TNKS: variants seen among roughly 807,000 people sequenced by gnomAD.
TNKS encodes tankyrase, also known as poly [ADP-ribose] polymerase tankyrase-1.
A neutral mutation model predicts 135.8 loss-of-function variants in TNKS; 72 were observed. That is an observed-to-expected ratio of 0.53 (90% CI 0.44 to 0.64). TNKS has a LOEUF of 0.64. TNKS is among the 30% of genes least tolerant of loss of function. The pLI is 0.00. For synonymous variants in TNKS, 849 were observed against 649.3 expected, an observed-to-expected ratio of 1.31 and a Z score of -4.68; for missense variants, 1,769 against 1,674.0, an observed-to-expected ratio of 1.06 and a Z score of -0.99.
intron 12 of TNKS, among the ~76,000 whole-genome samples, chr8:9,721,627 C>T (rs865998967): frequency 2.6e-4 from 39 of 148,860 alleles, no homozygotes; most frequent in South Asian, 4.3e-4. Context: ...TCTGGTAGTT[C>T]TTAACTCTAT....
intron 3 of TNKS, among the ~76,000 whole-genome samples, chr8:9,631,776 T>TC (rs1554454175): frequency 6.6e-5 from 10 of 151,878 alleles, no homozygotes; most frequent in Non-Finnish European, 1.2e-4. Context: ...TTTTTTTTTT[T>TC]CAAGAAAAAG....
intron 3 of TNKS, among the ~76,000 whole-genome samples, chr8:9,657,250 C>T (rs1410395003): frequency 1.7e-5 from 2 of 117,128 alleles, no homozygotes; most frequent in Non-Finnish European, 1.9e-5. Context: ...GGGCGGGGGG[C>T]CGACCCCCCC....
chr8:9,645,614 A>G (rs1800892569), intron 3 of TNKS, among the ~76,000 whole-genome samples: 1 of 152,156 alleles, frequency 6.6e-6, no homozygotes, highest in Non-Finnish European at 1.5e-5. Context: ...TATGAGGCAC[A>G]TACTTAATCT....
chr8:9,709,767 C>T (rs760316625), intron 9 of TNKS, among the ~76,000 whole-genome samples, 188 bp from the exon 10 acceptor site: 8 of 152,200 alleles, frequency 5.3e-5, no homozygotes, highest in Admixed American at 3.3e-4. Flanking sequence ...TTGGTTTAAA[C>T]GCTTACGTTT....
At chr8:9,673,366 T>G (rs968397776) in intron 3 of TNKS, among the ~76,000 whole-genome samples, 2 of 152,092 alleles carry the variant, frequency 1.3e-5, no homozygotes, top group Non-Finnish European at 2.9e-5. Context: ...ATATATAAAT[T>G]TTATGACATA....
chr8:9,584,872 C>A, intron 2 of TNKS, among the ~76,000 whole-genome samples: 1 of 152,180 alleles, frequency 6.6e-6, no homozygotes, highest in Non-Finnish European at 1.5e-5. Flanking sequence ...CACAGCAAAT[C>A]ATTCTAAAGA....
In TNKS at chr8:9,672,331, C is replaced by T. The variant is rs181538536; in HGVS notation, c.995-7620C>T. On this transcript the variant is annotated intron_variant, in intron 3 of 26. Coordinates refer to ENST00000310430, the MANE Select transcript of TNKS (RefSeq NM_003747.3). Reference sequence around the variant, plus strand: ...TATCCCCTGTGAATAATGGGGGCTACTGTACATCTACCATATATTACAAAA... The same window carrying T: ...TATCCCCTGTGAATAATGGGGGCTATTGTACATCTACCATATATTACAAAA... Among the ~76,000 whole-genome samples the T allele has an allele frequency of 9.2e-5, 14 of 152,244 alleles. No homozygotes were observed. The East Asian group carries it at 2.1e-3, about 23-fold the overall frequency.
intron 2 of TNKS, among the ~76,000 whole-genome samples, chr8:9,585,140 G>T (rs748811371): frequency 6.7e-6 from 1 of 149,454 alleles, no homozygotes; most frequent in Non-Finnish European, 1.5e-5. Flanking sequence ...ACTCAAAACC[G>T]AAATAAAAAA....
At chr8:9,580,102 A>T in intron 1 of TNKS, 57 bp from the exon 2 acceptor site, 1 of 1,438,538 alleles carries the variant, frequency 7.0e-7, no homozygotes, top group Non-Finnish European at 9.8e-7. Context: ...AGATATTCTA[A>T]TGGTTCTTTT....
Position 9,637,076 on chromosome 8 carries a change from AT to A in TNKS, c.994+21406del, listed in dbSNP as rs576951662. 1.3e-3 allele frequency among the ~76,000 whole-genome samples: 192 copies of A among 152,312 alleles called. 1 individual carries two copies. The highest frequency in any genetic ancestry group is 4.4e-3 in the African/African-American group (181 of 41,566). ...AGAATACAGTGAAGAATATGCTCAA[AT>A]TTTTTTGAATGAAAGTGGAAACTGC... On this transcript the variant is annotated intron_variant, in intron 3 of 26. Transcript: ENST00000310430.
intron 21 of TNKS, among the ~76,000 whole-genome samples, chr8:9,762,810 CAGG>C (rs201940551): frequency 0.024 from 3,664 of 151,204 alleles, 138 homozygotes; most frequent in African/African-American, 0.081. Context: ...GAGGCTGAGG[CAGG>C]AGAATGGTGT....
chr8:9,770,575 A>C (rs957814162), intron 26 of TNKS, among the ~76,000 whole-genome samples: 6 of 152,232 alleles, frequency 3.9e-5, no homozygotes, highest in African/African-American at 1.4e-4. Flanking sequence ...CGTGGGCAGC[A>C]TGCCAGGGCA....
At chr8:9,626,554 C>G (rs184415825) in intron 3 of TNKS, among the ~76,000 whole-genome samples, 55 of 152,290 alleles carry the variant, frequency 3.6e-4, no homozygotes, top group Admixed American at 1.1e-3. Flanking sequence ...CTTGGTATGA[C>G]AAGTGATTTT....
At chr8:9,754,699 A>G (rs554147326) in intron 20 of TNKS, among the ~76,000 whole-genome samples, 2 of 152,248 alleles carry the variant, frequency 1.3e-5, no homozygotes, top group East Asian at 3.9e-4. Context: ...GTAAAACCTA[A>G]TGCTTATAAA....
At chr8:9,660,355 C>T (rs1019422085) in intron 3 of TNKS, among the ~76,000 whole-genome samples, 14 of 152,182 alleles carry the variant, frequency 9.2e-5, no homozygotes, top group East Asian at 3.9e-4. Context: ...ACTGGCAAAC[C>T]GAATCCAGCA....
chr8:9,741,574 C>T, intron 17 of TNKS: 1 of 308,202 alleles, frequency 3.2e-6, no homozygotes, highest in Middle Eastern at 1.4e-3. Flanking sequence ...CTGCATTAGT[C>T]TTCACCTTGC....
chr8:9,630,574 C>G (rs1288098108), intron 3 of TNKS, among the ~76,000 whole-genome samples: 1 of 152,052 alleles, frequency 6.6e-6, no homozygotes, highest in East Asian at 1.9e-4. Flanking sequence ...CCAGCAAATC[C>G]CCATCACATT....
At chr8:9,614,229 C>T (rs543131853) in intron 2 of TNKS, among the ~76,000 whole-genome samples, 5 of 152,304 alleles carry the variant, frequency 3.3e-5, no homozygotes, top group African/African-American at 9.6e-5. Flanking sequence ...TTGTGGCACT[C>T]GCCATTTTAT....
intron 26 of TNKS, among the ~76,000 whole-genome samples, chr8:9,772,955 T>C (rs1362310584): frequency 1.3e-5 from 2 of 150,380 alleles, no homozygotes; most frequent in African/African-American, 4.9e-5. Flanking sequence ...TTCCCAAACG[T>C]AGATCTGGGT....
Sources: gnomAD v4.1 joint callset for allele counts (sites outside exome capture counted in the v4.1 genomes callset) on GRCh38, gnomAD v4.1.1 for gene constraint, MANE v1.5 for transcripts, NCBI Gene and HGNC (gene_info 2026-07-23, HGNC 2026-07-21) for gene names.